PCBP3: variants seen among roughly 807,000 people sequenced by gnomAD.
PCBP3 encodes the protein poly(rC)-binding protein 3.
A neutral mutation model predicts 52.7 loss-of-function variants in PCBP3; 25 were observed. The observed-to-expected ratio is 0.47, with a 90% CI of 0.35 to 0.66. PCBP3 has a LOEUF of 0.66. Among genes scored for constraint, PCBP3 ranks in the 30% least tolerant of loss-of-function variants. PCBP3 has a pLI of 0.01. For missense variants in PCBP3, 391 were observed against 490.3 expected (o/e 0.80, Z 1.91); for synonymous variants, 162 against 183.0 (o/e 0.89, Z 0.93).
In PCBP3 at chr21:45,928,123, G is replaced by A. The variant is rs1448589223; in HGVS notation, c.718-1794G>A. ...GGGCGCCTTCACTAGGACCCCAGAT[G>A]CGCCTGCTTCCTCCTCCTGCCCCCG... On this transcript the variant is annotated intron_variant, in intron 13 of 17. Transcript: ENST00000681687. This position sits in a 1 kb window ranked among gnomAD's most constrained non-coding sequence, Gnocchi z 4.1. Among the ~76,000 whole-genome samples, 1 of 152,158 alleles carries A rather than the reference G, an allele frequency of 6.6e-6. No individual in the cohort carries two copies. Among genetic ancestry groups the A allele is most frequent in the Non-Finnish European group, 1.5e-5 (1 of 68,028 alleles).
At chr21:45,859,034 A>T (rs2094414106) in intron 5 of PCBP3, 1 of 152,300 alleles carries the variant, frequency 6.6e-6, no homozygotes, top group Admixed American at 6.5e-5. Context: ...TCCTTTATAA[A>T]TTACACAGTC....
intron 1 of PCBP3, among the ~76,000 whole-genome samples, chr21:45,658,091 T>C (rs1340006793): frequency 6.6e-6 from 1 of 152,176 alleles, no homozygotes; most frequent in East Asian, 1.9e-4. Flanking sequence ...TCTATCCCTA[T>C]TTTGTTGAGT....
At chr21:45,854,658 G>T (rs764469498) in intron 5 of PCBP3, among the ~76,000 whole-genome samples, 1 of 152,246 alleles carries the variant, frequency 6.6e-6, no homozygotes, top group Non-Finnish European at 1.5e-5. Flanking sequence ...GGACAGGAAG[G>T]CTTCACCCGT....
chr21:45,741,816 G>A lies in PCBP3; in HGVS notation c.-162+6387G>A, dbSNP rs114979764. 4.2e-3 allele frequency among the ~76,000 whole-genome samples: 636 copies of A among 152,184 alleles called. 7 individuals carry two copies. Among genetic ancestry groups the A allele is most frequent in the African/African-American group, 0.015 (611 of 41,516 alleles). Reference sequence around the variant, plus strand: ...CTGGTCCTCTCCACTTCAGAGGCCCGGCCTCTGGCTTGGTGAATCTGAGGC... The same window carrying A: ...CTGGTCCTCTCCACTTCAGAGGCCCAGCCTCTGGCTTGGTGAATCTGAGGC... On this transcript the variant is annotated intron_variant, in intron 3 of 17. Coordinates refer to ENST00000681687, the MANE Select transcript of PCBP3 (RefSeq NM_001384156.1). The surrounding 1 kb of genome is among the most constrained non-coding windows in gnomAD (Gnocchi z 4.5).
At chr21:45,884,538 A>G (rs1182076230) in intron 5 of PCBP3, among the ~76,000 whole-genome samples, 1 of 152,082 alleles carries the variant, frequency 6.6e-6, no homozygotes, top group East Asian at 1.9e-4. Flanking sequence ...TGCACATCTA[A>G]ATATACATAT....
chr21:45,907,054 C>G (rs553595400), intron 9 of PCBP3, among the ~76,000 whole-genome samples: 1 of 152,242 alleles, frequency 6.6e-6, no homozygotes, highest in African/African-American at 2.4e-5. Context: ...GAAGGCCAGG[C>G]GGAGGCCGGC....
At chr21:45,926,806 CAG>C (rs139568691) in intron 13 of PCBP3, among the ~76,000 whole-genome samples, 29,411 of 152,168 alleles carry the variant, frequency 0.19, 3,636 homozygotes, top group Non-Finnish European at 0.27. Context: ...ATTCTGAGAT[CAG>C]GGGACGATTT....
chr21:45,863,447 A>C (rs961440186), intron 5 of PCBP3, among the ~76,000 whole-genome samples: 1 of 152,178 alleles, frequency 6.6e-6, no homozygotes, highest in African/African-American at 2.4e-5. Context: ...TGTGTCCTAC[A>C]GGCTCGCCGG....
chr21:45,900,852 T>C, intron 8 of PCBP3, 145 bp from the exon 9 acceptor site: 1 of 718,722 alleles, frequency 1.4e-6, no homozygotes, highest in Non-Finnish European at 2.5e-6. Flanking sequence ...AGGAGATTGT[T>C]GAGAAGCATT....
chr21:45,867,524 C>T (rs1314812180), intron 5 of PCBP3, among the ~76,000 whole-genome samples: 1 of 152,258 alleles, frequency 6.6e-6, no homozygotes, highest in Non-Finnish European at 1.5e-5. Flanking sequence ...GAAGGTTATA[C>T]ATGCAAATAT....
chr21:45,732,603 C>G (rs2085542369), intron 2 of PCBP3: 1 of 150,536 alleles, frequency 6.6e-6, no homozygotes, highest in African/African-American at 2.4e-5. Flanking sequence ...GTTGACCTTT[C>G]TGAATCTATG....
At chr21:45,708,832 A>G (rs2083631195) in intron 2 of PCBP3, among the ~76,000 whole-genome samples, 1 of 152,230 alleles carries the variant, frequency 6.6e-6, no homozygotes, top group Non-Finnish European at 1.5e-5. Flanking sequence ...TGTTCCCCGT[A>G]GGAGCATTTG....
chr21:45,708,773 C>T lies in PCBP3; in HGVS notation c.-199-26619C>T, dbSNP rs79238697. The stretch of plus-strand genomic sequence containing the variant: ...TGGTGACTGTGATTCATGTGGGTTC[C>T]GTAGAGGCTTTTAGACCCTGGCTCT... On this transcript the variant is annotated intron_variant, in intron 2 of 17. Transcript: ENST00000681687. 9.9e-5 allele frequency among the ~76,000 whole-genome samples: 15 copies of T among 152,278 alleles called. No homozygotes were observed. The South Asian group carries it at 1.2e-3, about 13-fold the overall frequency.
intron 11 of PCBP3, among the ~76,000 whole-genome samples, chr21:45,912,815 T>C (rs1481824261): frequency 6.6e-6 from 1 of 152,048 alleles, no homozygotes; most frequent in African/African-American, 2.4e-5. Flanking sequence ...AGTCAGTTCC[T>C]CCCACCCCAG....
intron 2 of PCBP3, among the ~76,000 whole-genome samples, chr21:45,725,676 G>A (rs928158106): frequency 6.6e-5 from 10 of 152,182 alleles, no homozygotes; most frequent in African/African-American, 2.2e-4. Context: ...CAAAGAAAGT[G>A]ACTTACAAAC....
chr21:45,695,440 G>A (rs1476395248), intron 2 of PCBP3, among the ~76,000 whole-genome samples: 2 of 152,156 alleles, frequency 1.3e-5, no homozygotes, highest in Non-Finnish European at 2.9e-5. Context: ...AGGCACCTCA[G>A]CACTGGCTCC....
intron 5 of PCBP3, among the ~76,000 whole-genome samples, chr21:45,885,998 C>T (rs1432427258): frequency 6.6e-6 from 1 of 152,246 alleles, no homozygotes; most frequent in East Asian, 1.9e-4. Flanking sequence ...TTCTGTTTAG[C>T]TGGCTGCCTC....
intron 2 of PCBP3, among the ~76,000 whole-genome samples, chr21:45,711,525 A>G (rs1421690449): frequency 1.3e-5 from 2 of 152,182 alleles, no homozygotes; most frequent in Non-Finnish European, 2.9e-5. Context: ...TTTAGTATAC[A>G]TGTATAGCAG....
chr21:45,926,123 C>T (rs149445987), intron 13 of PCBP3, among the ~76,000 whole-genome samples: 310 of 152,364 alleles, frequency 2.0e-3, no homozygotes, highest in African/African-American at 7.0e-3. Flanking sequence ...CACCACATGA[C>T]GGTTCAGCCA....
Sources: gnomAD v4.1 joint callset for allele counts (sites outside exome capture counted in the v4.1 genomes callset) on GRCh38, gnomAD v4.1.1 for gene constraint, Gnocchi (gnomAD v3.1) non-coding constraint, MANE v1.5 for transcripts, NCBI Gene and HGNC (gene_info 2026-07-23, HGNC 2026-07-21) for gene names.